S100Z: variants seen among roughly 807,000 people sequenced by gnomAD.
The protein encoded by S100Z is protein S100-Z.
Under a neutral mutation model 8.5 loss-of-function variants are expected in S100Z, and 11 were observed. That is an observed-to-expected ratio of 1.30 (90% CI 0.82 to 2.15). The LOEUF is 2.15. S100Z is among the 30% of genes most tolerant of loss of function. The probability of loss-of-function intolerance (pLI) is 0.00; values close to 1 mark genes in which losing one functional copy is unlikely to be tolerated. For missense variants in S100Z, 126 were observed against 117.9 expected (o/e 1.07, Z -0.32); for synonymous variants, 34 against 43.8 (o/e 0.78, Z 0.89).
chr5:76,952,868 G>T, the S100Z span: 1 of 483,322 alleles, frequency 2.1e-6, no homozygotes, highest in South Asian at 3.0e-5. Context: ...ATCATTCTTG[G>T]TGAATAATGC....
chr5:76,905,108 A>G (rs979190798), intron 4 of S100Z, among the ~76,000 whole-genome samples: 8 of 152,176 alleles, frequency 5.3e-5, no homozygotes, highest in African/African-American at 1.9e-4. Context: ...ACATCCTACA[A>G]TGCACAGTAT....
At chr5:76,856,742 A>G (rs915463804) in intron 1 of S100Z, among the ~76,000 whole-genome samples, 3 of 152,242 alleles carry the variant, frequency 2.0e-5, no homozygotes, top group African/African-American at 7.2e-5. Context: ...TTTTAAGTCT[A>G]TGTTCCAGGT....
intron 4 of S100Z, among the ~76,000 whole-genome samples, chr5:76,882,094 T>C (rs1743420162): frequency 6.6e-6 from 1 of 152,064 alleles, no homozygotes; most frequent in African/African-American, 2.4e-5. Context: ...GTTAAGACAA[T>C]GAGTTTGGCT....
chr5:76,905,331 C>T (rs1029981365), intron 4 of S100Z, among the ~76,000 whole-genome samples: 4 of 152,086 alleles, frequency 2.6e-5, no homozygotes, highest in African/African-American at 2.4e-5. Context: ...CCACTGTGCC[C>T]GGCTTATTTC....
chr5:76,942,303 G>A, the S100Z span, among the ~76,000 whole-genome samples: 1 of 151,618 alleles, frequency 6.6e-6, no homozygotes, highest in Admixed American at 6.6e-5. Context: ...GTAGAGACGG[G>A]GTTTCACCAT....
At chr5:76,878,331 A>G (rs1472443479) in intron 4 of S100Z, 1 of 152,856 alleles carries the variant, frequency 6.5e-6, no homozygotes, top group Non-Finnish European at 1.5e-5. Context: ...CAGGGAATGG[A>G]TAGGTTCAGG....
intron 4 of S100Z, among the ~76,000 whole-genome samples, chr5:76,884,122 A>G (rs1203154320): frequency 6.6e-6 from 1 of 152,208 alleles, no homozygotes; most frequent in Non-Finnish European, 1.5e-5. Context: ...AATAAAATGC[A>G]TATTGAGATT....
At chr5:76,923,556 C>T (rs1580074138), downstream of S100Z, among the ~76,000 whole-genome samples, 2 of 152,220 alleles carry the variant, frequency 1.3e-5, no homozygotes, top group East Asian at 3.9e-4. Context: ...GAGGGCAATA[C>T]CAAGACAAAT....
chr5:76,910,383 A>G (rs1744608252), intron 4 of S100Z, among the ~76,000 whole-genome samples: 3 of 152,206 alleles, frequency 2.0e-5, no homozygotes, highest in Admixed American at 1.3e-4. Flanking sequence ...AATAGGGACC[A>G]AGAGGAAGAG....
At chr5:76,867,104 A>G (rs1742780549) in intron 1 of S100Z, among the ~76,000 whole-genome samples, 1 of 152,196 alleles carries the variant, frequency 6.6e-6, no homozygotes, top group Admixed American at 6.6e-5. Flanking sequence ...TTTGAGTTAT[A>G]ATTGACACAC....
the S100Z span, among the ~76,000 whole-genome samples, chr5:76,926,780 C>G: frequency 6.6e-6 from 1 of 152,220 alleles, no homozygotes; most frequent in South Asian, 2.1e-4. Flanking sequence ...TTCCAGCTTG[C>G]GGCAGTAGAA....
chr5:76,943,664 T>G, the S100Z span, among the ~76,000 whole-genome samples: 3 of 152,144 alleles, frequency 2.0e-5, no homozygotes, highest in African/African-American at 7.2e-5. Flanking sequence ...GCCCACACCT[T>G]TGTAAACAGT....
intron 1 of S100Z, among the ~76,000 whole-genome samples, chr5:76,852,297 T>A (rs1301009124): frequency 6.6e-6 from 1 of 151,478 alleles, no homozygotes; most frequent in East Asian, 1.9e-4. Flanking sequence ...GTCAAGATAT[T>A]TTTTTTTTCT....
intron 1 of S100Z, among the ~76,000 whole-genome samples, chr5:76,858,988 C>T (rs1750968863): frequency 6.6e-6 from 1 of 152,100 alleles, no homozygotes; most frequent in Non-Finnish European, 1.5e-5. Flanking sequence ...AGAGTGCACG[C>T]CTGTAATCCC....
Position 76,877,820 on chromosome 5 carries a change from G to C in S100Z, c.288G>C (p.Lys96Asn). The change falls in exon 4 of 5, where the codon AAG becomes AAC. Residue 96 changes from lysine (K) to asparagine (N), a missense_variant. Lys to Asn is a moderately conservative substitution (Grantham distance 94). Coordinates refer to ENST00000317593, the MANE Select transcript of S100Z (RefSeq NM_130772.4). ...CNDYFVEQLK[K>N]KGK The stretch of plus-strand genomic sequence containing the variant: ...ATTACTTTGTAGAACAATTGAAGAA[G>C]AAAGGAAAATAAAGGTAAGTAATAA... 1 of 1,612,054 alleles carries C rather than the reference G, an allele frequency of 6.2e-7. No individual in the cohort carries two copies. Among genetic ancestry groups the C allele is most frequent in the Non-Finnish European group, 8.5e-7 (1 of 1,178,372 alleles).
intron 4 of S100Z, among the ~76,000 whole-genome samples, chr5:76,912,230 C>T (rs1744690605): frequency 1.3e-5 from 2 of 152,300 alleles, no homozygotes; most frequent in South Asian, 2.1e-4. Context: ...AGGTGCTACT[C>T]CTTGAGGGAC....
intron 4 of S100Z, among the ~76,000 whole-genome samples, chr5:76,906,974 GTGTATATATATATATA>G (rs1222685042): frequency 1.2e-4 from 14 of 114,700 alleles, no homozygotes; most frequent in African/African-American, 6.0e-4. Context: ...CATTGTGTGT[GTGTATATATATATATA>G]TATATATATA....
intron 1 of S100Z, among the ~76,000 whole-genome samples, chr5:76,855,219 G>C (rs907056684): frequency 2.0e-5 from 3 of 152,200 alleles, no homozygotes; most frequent in Non-Finnish European, 2.9e-5. Flanking sequence ...CCCCCACACA[G>C]AGTCCCCGTT....
At chr5:76,948,664 A>C in the S100Z span, 2 of 152,220 alleles carry the variant, frequency 1.3e-5, no homozygotes, top group African/African-American at 4.8e-5. Flanking sequence ...CTATCATCAA[A>C]AAGATACAAG....
Sources: allele counts gnomAD v4.1 joint callset (sites outside exome capture counted in the v4.1 genomes callset), GRCh38; gene constraint gnomAD v4.1.1; transcripts MANE v1.5; gene names NCBI Gene and HGNC (gene_info 2026-07-23, HGNC 2026-07-21).